The following ZCWPW2 variants were observed in gnomAD, a reference collection of about 807,000 sequenced individuals.
ZCWPW2 encodes zinc finger CW-type and PWWP domain containing 2.
ZCWPW2 carries 45 observed loss-of-function variants against 46.6 expected under a neutral mutation model. That is an observed-to-expected ratio of 0.96 (90% CI 0.76 to 1.24). The LOEUF is 1.24. Among genes scored for constraint, ZCWPW2 ranks in the 50% most tolerant of loss-of-function variants. ZCWPW2 has a pLI of 0.00. For missense variants in ZCWPW2, 429 were observed against 403.9 expected (o/e 1.06, Z -0.53); for synonymous variants, 152 against 137.1 (o/e 1.11, Z -0.76).
At chr3:28,405,469 T>TTTTG (rs1263197894) in intron 2 of ZCWPW2, among the ~76,000 whole-genome samples, 1 of 152,028 alleles carries the variant, frequency 6.6e-6, no homozygotes. Context: ...AAACAGAGGT[T>TTTTG]TTTGTTTGTT....
At chr3:28,386,279 T>C (rs755518919) in intron 1 of ZCWPW2, among the ~76,000 whole-genome samples, 40 of 152,076 alleles carry the variant, frequency 2.6e-4, no homozygotes, top group Non-Finnish European at 4.9e-4. Context: ...AGAAAAGCCA[T>C]GTGAGGATCC....
At chr3:28,454,714 T>C (rs927256795) in intron 4 of ZCWPW2, among the ~76,000 whole-genome samples, 1 of 152,198 alleles carries the variant, frequency 6.6e-6, no homozygotes, top group Non-Finnish European at 1.5e-5. Flanking sequence ...TAGCTCCCAC[T>C]TAAAAGTAAG....
In ZCWPW2 at chr3:28,521,051, C is replaced by A; in HGVS notation, c.844C>A (p.Gln282Lys). The A allele has an allele frequency of 6.2e-7, 1 of 1,612,540 alleles. No homozygotes were observed. The highest frequency in any genetic ancestry group is 8.5e-7 in the Non-Finnish European group (1 of 1,179,550). Residue 282 changes from glutamine to lysine, a missense_variant, in exon 9 of 10, where the codon CAA becomes AAA. Transcript: ENST00000383768. ...GGAGCAAATGCTGCAGCAAGCACTG[C>A]AACCCACAGCCACACCTGATGAATC... ...ELEQMLQQAL[Q>K]PTATPDESEE...
At chr3:28,357,852 G>C (rs1704801169) in intron 1 of ZCWPW2, among the ~76,000 whole-genome samples, 1 of 140,306 alleles carries the variant, frequency 7.1e-6, no homozygotes, top group Admixed American at 7.2e-5. Flanking sequence ...CATCCTATTG[G>C]TTCTGTTTCT....
At position 28,475,405 on chromosome 3, in the gene ZCWPW2, C is replaced by G. The variant is rs374115025; in HGVS notation, c.493-3409C>G. Reference sequence around the variant, plus strand: ...TTTCTTGCATAAATTATTGCAATAGCCTCCTAATTGTCCTACTTCTATACT... The same window carrying G: ...TTTCTTGCATAAATTATTGCAATAGGCTCCTAATTGTCCTACTTCTATACT... On this transcript the variant is annotated intron_variant, in intron 4 of 9. Coordinates refer to ENST00000383768, the MANE Select transcript of ZCWPW2 (RefSeq NM_001040432.4). 1.2e-4 allele frequency among the ~76,000 whole-genome samples: 19 copies of G among 152,258 alleles called. No individual in the cohort carries two copies. The East Asian group carries it at 2.9e-3, about 23-fold the overall frequency.
intron 4 of ZCWPW2, among the ~76,000 whole-genome samples, chr3:28,460,092 T>C (rs945606947): frequency 1.2e-4 from 19 of 152,188 alleles, no homozygotes; most frequent in African/African-American, 4.6e-4. Flanking sequence ...TGTCTTGATA[T>C]TTTCCAATAT....
chr3:28,395,957 T>C (rs1257824208), intron 2 of ZCWPW2, among the ~76,000 whole-genome samples: 4 of 152,164 alleles, frequency 2.6e-5, no homozygotes, highest in Non-Finnish European at 5.9e-5. Flanking sequence ...TTGTGGTAAG[T>C]ATTTTGCAAT....
At chr3:28,443,485 T>C (rs1281105626) in intron 4 of ZCWPW2, among the ~76,000 whole-genome samples, 1 of 152,144 alleles carries the variant, frequency 6.6e-6, no homozygotes. Flanking sequence ...AACCTAGAAG[T>C]TTTCTGCTTG....
In ZCWPW2 at chr3:28,515,715, C is replaced by CTGTG. The variant is rs10539082; in HGVS notation, c.784+122_784+125dup. ...CCTTTGAAGGAAAAAAAAAGATTTC[C>CTGTG]TGTGTGTGTGTGTGTGTGTGTGTGT... On this transcript the variant is annotated intron_variant, in intron 8 of 9. Coordinates refer to ENST00000383768, the MANE Select transcript of ZCWPW2 (RefSeq NM_001040432.4). 8.6e-3 allele frequency: 5,738 copies of CTGTG among 665,750 alleles called. 13 individuals are homozygous for CTGTG. Among genetic ancestry groups the CTGTG allele is most frequent in the Admixed American group, 0.011 (340 of 31,220 alleles). The allele number at this position is 665,750 out of a possible 1,614,324, so 41.2% of individuals were successfully genotyped here.
intron 2 of ZCWPW2, among the ~76,000 whole-genome samples, chr3:28,408,999 A>G (rs1289772477): frequency 2.0e-5 from 3 of 152,194 alleles, no homozygotes; most frequent in Admixed American, 6.5e-5. Flanking sequence ...AAGATGAAGA[A>G]TTAAATAAAT....
rs1695448949 is a variant in ZCWPW2 at position 28,390,623 on chromosome 3, T to C, written c.-14+6T>C. The C allele has an allele frequency of 2.4e-5, 24 of 985,310 alleles. No individual in the cohort carries two copies. Among genetic ancestry groups the C allele is most frequent in the Non-Finnish European group, 2.9e-5 (24 of 829,932 alleles). The allele number at this position is 985,310 out of a possible 1,614,324, so 61.0% of individuals were successfully genotyped here. A position where few individuals can be genotyped will look rare whatever the true frequency, so the allele number is the denominator to read the frequency against. On this transcript the variant is annotated splice_donor_region_variant and intron_variant, in intron 2 of 9. Coordinates refer to ENST00000383768, the MANE Select transcript of ZCWPW2 (RefSeq NM_001040432.4). ...CAAAAGAAAAGTCTAACTCCGTAAG[T>C]ACTTGAGAAACTCCAAAATGTTTTT...
At chr3:28,500,711 ATAT>A (rs1700118203) in intron 6 of ZCWPW2, among the ~76,000 whole-genome samples, 1 of 152,154 alleles carries the variant, frequency 6.6e-6, no homozygotes, top group Non-Finnish European at 1.5e-5. Flanking sequence ...AGATGTCTGG[ATAT>A]TTGTGGTAAT....
At chr3:28,444,032 G>T (rs887935802) in intron 4 of ZCWPW2, among the ~76,000 whole-genome samples, 1 of 152,056 alleles carries the variant, frequency 6.6e-6, no homozygotes, top group African/African-American at 2.4e-5. Context: ...TAAACTATTA[G>T]AACCTTTTTT....
chr3:28,488,761 C>T (rs1476180295), intron 5 of ZCWPW2, among the ~76,000 whole-genome samples: 2 of 152,092 alleles, frequency 1.3e-5, no homozygotes, highest in Non-Finnish European at 2.9e-5. Context: ...TTTCATTATC[C>T]ACATCTACAT....
rs879713726 is a variant in ZCWPW2, at chr3:28,478,246, T to C, written c.493-568T>C. On this transcript the variant is annotated intron_variant, in intron 4 of 9. Coordinates refer to ENST00000383768, the MANE Select transcript of ZCWPW2 (RefSeq NM_001040432.4). ...GATGTGAATAGAATTTTTTATTTTT[T>C]ATTATTTTATTTTTTGAGACAGAGT... The C allele has an allele frequency of 5.1e-5, 13 of 255,754 alleles. No homozygotes were observed. The Admixed American group carries it at 6.1e-4, about 12-fold the overall frequency. 15.8% of individuals were successfully genotyped at this position (255,754 alleles called of 1,614,324 possible). A position where few individuals can be genotyped will look rare whatever the true frequency, so the allele number is the denominator to read the frequency against.
At chr3:28,419,893 G>A (rs1696692234) in intron 3 of ZCWPW2, among the ~76,000 whole-genome samples, 2 of 117,352 alleles carry the variant, frequency 1.7e-5, no homozygotes, top group Non-Finnish European at 3.5e-5. Flanking sequence ...ATGGACACAG[G>A]AAGGGGAACA....
At chr3:28,491,675 G>C (rs1249913045) in intron 5 of ZCWPW2, among the ~76,000 whole-genome samples, 1 of 151,960 alleles carries the variant, frequency 6.6e-6, no homozygotes, top group African/African-American at 2.4e-5. Flanking sequence ...GAAGTGAGGA[G>C]GGACTGCGTA....
At chr3:28,507,886 G>A (rs1194819772) in intron 6 of ZCWPW2, among the ~76,000 whole-genome samples, 1 of 152,114 alleles carries the variant, frequency 6.6e-6, no homozygotes, top group East Asian at 1.9e-4. Flanking sequence ...AAAAAACCCT[G>A]TAGATTCAGC....
chr3:28,353,927 G>A (rs1243772179), intron 1 of ZCWPW2, among the ~76,000 whole-genome samples: 1 of 152,168 alleles, frequency 6.6e-6, no homozygotes, highest in African/African-American at 2.4e-5. Flanking sequence ...TAAGAGAAAT[G>A]CTCGTCTGAG....
Sources: gnomAD v4.1 joint callset for allele counts (sites outside exome capture counted in the v4.1 genomes callset) on GRCh38, gnomAD v4.1.1 for gene constraint, MANE v1.5 for transcripts, NCBI Gene and HGNC (gene_info 2026-07-23, HGNC 2026-07-21) for gene names.